The following GYPE variants were observed in gnomAD, a reference collection of about 807,000 sequenced individuals.
The protein encoded by GYPE is glycophorin E (MNS blood group).
GYPE carries 8 observed loss-of-function variants against 11.6 expected under a neutral mutation model. That is an observed-to-expected ratio of 0.69 (90% CI 0.41 to 1.25). GYPE has a LOEUF of 1.25. Ranked by LOEUF, GYPE falls within the 50% of genes most tolerant of loss-of-function variation. The pLI is 0.01. For missense variants in GYPE, 90 were observed against 92.8 expected (o/e 0.97, Z 0.12); for synonymous variants, 28 against 29.6 (o/e 0.94, Z 0.18).
At chr4:143,878,479 A>G (rs1214744949) in intron 2 of GYPE, among the ~76,000 whole-genome samples, 1 of 152,226 alleles carries the variant, frequency 6.6e-6, no homozygotes, top group African/African-American at 2.4e-5. Context: ...TTTAATTTTA[A>G]AAAGAGAATA....
chr4:143,895,157 G>A (rs1323828728), intron 1 of GYPE, among the ~76,000 whole-genome samples: 1 of 152,100 alleles, frequency 6.6e-6, no homozygotes, highest in Non-Finnish European at 1.5e-5. Context: ...TCTGGCCAGG[G>A]CAATTAGGCA....
At chr4:143,900,645 T>C (rs193202302) in intron 1 of GYPE, among the ~76,000 whole-genome samples, 45 of 151,562 alleles carry the variant, frequency 3.0e-4, no homozygotes, top group African/African-American at 1.0e-3. Context: ...TGGAATAACA[T>C]TTATTATAAA....
chr4:143,880,158 TG>T (rs1743969004), intron 2 of GYPE, among the ~76,000 whole-genome samples: 4 of 152,228 alleles, frequency 2.6e-5, no homozygotes, highest in Admixed American at 2.6e-4. Context: ...CACTATTTCA[TG>T]GTCACGTGCA....
intron 1 of GYPE, 45 bp from the exon 2 acceptor site, chr4:143,880,554 T>G (rs1352818128): frequency 1.9e-6 from 3 of 1,612,912 alleles, no homozygotes; most frequent in East Asian, 2.2e-5. Context: ...ACGAGGTGAC[T>G]GAGCGGACCA....
intron 1 of GYPE, among the ~76,000 whole-genome samples, chr4:143,885,143 C>G (rs1454929323): frequency 6.6e-6 from 1 of 151,880 alleles, no homozygotes; most frequent in Non-Finnish European, 1.5e-5. Flanking sequence ...AGCCCTATAG[C>G]CTGAGGCTTT....
chr4:143,891,645 G>A (rs1360236772), intron 1 of GYPE, among the ~76,000 whole-genome samples: 1 of 151,970 alleles, frequency 6.6e-6, no homozygotes, highest in Non-Finnish European at 1.5e-5. Flanking sequence ...ATTTTTTTAA[G>A]TACTTAAAAA....
Position 143,872,188 on chromosome 4 carries a change from G to C in GYPE, c.*74C>G, listed in dbSNP as rs1743641316. 6.6e-6 allele frequency: 1 copy of C among 152,484 alleles called. No individual in the cohort carries two copies. The highest frequency in any genetic ancestry group is 6.6e-5 in the Admixed American group (1 of 15,256). 9.4% of individuals were successfully genotyped at this position (152,484 alleles called of 1,614,324 possible). On this transcript the variant is annotated 3_prime_UTR_variant, in exon 4 of 4. Transcript: ENST00000358615. ...CAGGCACACAATTACACCATGAACA[G>C]TGAAGTAAAAAAATGTCCTTTCTTT... is the stretch of plus-strand genomic sequence containing the variant.
intron 1 of GYPE, among the ~76,000 whole-genome samples, chr4:143,903,395 C>A (rs374136914): frequency 6.6e-6 from 1 of 151,248 alleles, no homozygotes; most frequent in Non-Finnish European, 1.5e-5. Context: ...TCAGGGACTG[C>A]GAATCAAGTC....
At chr4:143,891,706 G>C (rs192738406) in intron 1 of GYPE, among the ~76,000 whole-genome samples, 1 of 152,038 alleles carries the variant, frequency 6.6e-6, no homozygotes, top group African/African-American at 2.4e-5. Context: ...GGTGCCGGCC[G>C]TTCACAGGCT....
At chr4:143,879,158 G>C (rs1232496388) in intron 2 of GYPE, among the ~76,000 whole-genome samples, 1 of 152,040 alleles carries the variant, frequency 6.6e-6, no homozygotes, top group African/African-American at 2.4e-5. Context: ...TTGAGCTTTT[G>C]CCAATAGTCT....
intron 3 of GYPE, chr4:143,873,389 C>T: frequency 2.2e-6 from 1 of 453,652 alleles, no homozygotes; most frequent in Non-Finnish European, 4.4e-6. Flanking sequence ...ACTTCTGAAC[C>T]TTCAGTTTTA....
At chr4:143,877,180 C>G (rs536275875) in intron 2 of GYPE, among the ~76,000 whole-genome samples, 23 of 152,220 alleles carry the variant, frequency 1.5e-4, no homozygotes, top group Non-Finnish European at 2.9e-4. Context: ...ACGTTCTCCT[C>G]AGATATGGGG....
At chr4:143,901,197 A>G (rs1431104651) in intron 1 of GYPE, among the ~76,000 whole-genome samples, 1 of 152,178 alleles carries the variant, frequency 6.6e-6, no homozygotes, top group African/African-American at 2.4e-5. Flanking sequence ...AGATGACATC[A>G]TTTTTCCAGA....
At position 143,876,728 on chromosome 4, in the gene GYPE, TA is replaced by T; in HGVS notation, c.*9+17del. On this transcript the variant is annotated intron_variant, in intron 3 of 3. Coordinates refer to ENST00000358615, the MANE Select transcript of GYPE (RefSeq NM_198682.3). ...TTCACACTGGTATTTAGAGCAAAATTAAAAACTGAATTCTCACCTTTATCAG... is the reference window on the plus strand; with the variant it reads ...TTCACACTGGTATTTAGAGCAAAATTAAAACTGAATTCTCACCTTTATCAG... 1 of 1,365,108 alleles carries T rather than the reference TA, an allele frequency of 7.3e-7. No homozygotes were observed. Among genetic ancestry groups the T allele is most frequent in the Middle Eastern group, 1.8e-4 (1 of 5,586 alleles). The allele number at this position is 1,365,108 out of a possible 1,614,324, so 84.6% of individuals were successfully genotyped here. A position where few individuals can be genotyped will look rare whatever the true frequency, so the allele number is the denominator to read the frequency against.
chr4:143,895,429 C>A (rs907661829), intron 1 of GYPE, among the ~76,000 whole-genome samples: 16 of 151,430 alleles, frequency 1.1e-4, no homozygotes, highest in Non-Finnish European at 2.2e-4. Flanking sequence ...GAATCAAATA[C>A]CTAGGAATCC....
intron 2 of GYPE, among the ~76,000 whole-genome samples, chr4:143,877,668 C>T (rs1270952292): frequency 1.3e-5 from 2 of 152,010 alleles, no homozygotes; most frequent in African/African-American, 2.4e-5. Context: ...GTAGCATTTC[C>T]TCTTGCTGGT....
intron 1 of GYPE, among the ~76,000 whole-genome samples, chr4:143,902,555 T>C (rs1194391244): frequency 6.6e-6 from 1 of 151,854 alleles, no homozygotes; most frequent in Non-Finnish European, 1.5e-5. Flanking sequence ...CTCTTCTCCC[T>C]TCTTGCCTCC....
chr4:143,883,472 TA>T (rs1028780446), intron 1 of GYPE, among the ~76,000 whole-genome samples: 2,155 of 128,720 alleles, frequency 0.017, 197 homozygotes, highest in Admixed American at 0.028. Flanking sequence ...ATAATAAATT[TA>T]ATTTATAATT....
chr4:143,872,417 T>TA (rs1055201979), intron 3 of GYPE, among the ~76,000 whole-genome samples, 165 bp from the exon 4 acceptor site: 1 of 152,096 alleles, frequency 6.6e-6, no homozygotes, highest in Non-Finnish European at 1.5e-5. Context: ...TAAGCAAATT[T>TA]AAAAAATTAA....
Sources: allele counts gnomAD v4.1 joint callset (sites outside exome capture counted in the v4.1 genomes callset), GRCh38; gene constraint gnomAD v4.1.1; transcripts MANE v1.5; gene names NCBI Gene and HGNC (gene_info 2026-07-23, HGNC 2026-07-21).